NFASC: variants seen among roughly 807,000 people sequenced by gnomAD.
The protein encoded by NFASC is neurofascin homolog.
Under a neutral mutation model 147.5 loss-of-function variants are expected in NFASC, and 43 were observed. The ratio of observed to expected loss-of-function variants is 0.29; its 90% CI spans 0.23 to 0.38. The LOEUF (loss-of-function observed/expected upper bound fraction) is 0.38, where lower values mean the gene tolerates loss of function less well. Ranked by LOEUF, NFASC falls within the 10% of genes least tolerant of loss-of-function variation. NFASC has a pLI of 1.00. For missense variants in NFASC, 1,320 were observed against 1,689.0 expected (o/e 0.78, Z 3.83); for synonymous variants, 622 against 665.5 (o/e 0.93, Z 1.01).
Position 204,944,332 on chromosome 1 carries a change from C to A in NFASC, c.17C>A (p.Pro6Gln). The part of the protein sequence containing the change: MARQP[P>Q]PPWVHAAFLL... ...GTGCCGAGGATGGCCAGGCAGCCAC[C>A]GCCGCCCTGGGTCCATGCAGCCTTC... Residue 6 changes from proline (P) to glutamine (Q), a missense_variant, in exon 3 of 30, where the codon CCG becomes CAG. Pro to Gln is a moderately conservative substitution (Grantham distance 76). Transcript: ENST00000339876. 1 of 1,613,662 alleles carries A rather than the reference C, an allele frequency of 6.2e-7. No individual in the cohort carries two copies. Among genetic ancestry groups the A allele is most frequent in the Non-Finnish European group, 8.5e-7 (1 of 1,179,882 alleles).
intron 1 of NFASC, among the ~76,000 whole-genome samples, chr1:204,882,962 C>G (rs1322674): frequency 6.6e-6 from 1 of 151,886 alleles, no homozygotes; most frequent in Non-Finnish European, 1.5e-5. Flanking sequence ...CTTTGGAATA[C>G]GCCTACATAT....
At chr1:204,859,233 G>A (rs558806333) in intron 1 of NFASC, among the ~76,000 whole-genome samples, 1 of 152,086 alleles carries the variant, frequency 6.6e-6, no homozygotes, top group Non-Finnish European at 1.5e-5. Context: ...CCACCTCGGC[G>A]AATGCACTGA....
At chr1:204,912,223 C>T (rs1172477242) in intron 1 of NFASC, among the ~76,000 whole-genome samples, 2 of 151,480 alleles carry the variant, frequency 1.3e-5, no homozygotes, top group African/African-American at 2.4e-5. Context: ...CGAGGTGGGA[C>T]CTTAGATGAC....
chr1:204,902,843 A>C (rs1285573993), intron 1 of NFASC, among the ~76,000 whole-genome samples: 1 of 152,224 alleles, frequency 6.6e-6, no homozygotes, highest in East Asian at 1.9e-4. Flanking sequence ...TGACTGTCAA[A>C]TGCCACGAAG....
In NFASC at chr1:205,017,437, T is replaced by C. The variant is rs2096370675; in HGVS notation, c.*898T>C. 6.5e-6 allele frequency: 1 copy of C among 152,918 alleles called. No homozygotes were observed. The highest frequency in any genetic ancestry group is 2.4e-5 in the African/African-American group (1 of 41,416). The allele number at this position is 152,918 out of a possible 1,614,324, so 9.5% of individuals were successfully genotyped here. On this transcript the variant is annotated 3_prime_UTR_variant, in exon 30 of 30. Transcript: ENST00000339876. ...CAGCAGAAGAAAATCAGGTGTCTGG[T>C]CTTGGGGGCACTGTGCTCACTTCTA...
intron 1 of NFASC, among the ~76,000 whole-genome samples, chr1:204,904,477 G>T (rs2085351558): frequency 6.6e-6 from 1 of 152,160 alleles, no homozygotes; most frequent in Admixed American, 6.5e-5. Context: ...AAAAGGGATG[G>T]TTACTCTAGA....
chr1:205,005,671 C>G lies in NFASC; in HGVS notation c.3289+2923C>G, dbSNP rs142345855. ...CCTCTCAGAGTCCAGGTCATGGAGT[C>G]CCATTATAAGTGTGATCATTATGTC... is the stretch of plus-strand genomic sequence containing the variant. On this transcript the variant is annotated intron_variant, in intron 27 of 29. Coordinates refer to ENST00000339876, the MANE Select transcript of NFASC (RefSeq NM_001005388.3). 3.5e-3 allele frequency among the ~76,000 whole-genome samples: 536 copies of G among 152,268 alleles called. 2 individuals are homozygous for G. Among genetic ancestry groups the G allele is most frequent in the African/African-American group, 0.012 (515 of 41,536 alleles).
At chr1:204,993,426 G>A (rs1169121414) in intron 24 of NFASC, among the ~76,000 whole-genome samples, 1 of 152,190 alleles carries the variant, frequency 6.6e-6, no homozygotes, top group East Asian at 1.9e-4. Flanking sequence ...GCCCTGTTCC[G>A]TGGCAGGTTC....
At chr1:204,940,148 C>T (rs556550756) in intron 2 of NFASC, among the ~76,000 whole-genome samples, 1 of 152,194 alleles carries the variant, frequency 6.6e-6, no homozygotes, top group East Asian at 1.9e-4. Context: ...GAAACATAAA[C>T]CGTTTTAAAG....
chr1:205,016,605 A>T lies in NFASC; in HGVS notation c.*66A>T, dbSNP rs1345868014. 5.3e-6 allele frequency: 6 copies of T among 1,141,260 alleles called. No individual in the cohort carries two copies. The South Asian group carries it at 7.5e-5, about 14-fold the overall frequency. The allele number at this position is 1,141,260 out of a possible 1,614,324, so 70.7% of individuals were successfully genotyped here. The stretch of plus-strand genomic sequence containing the variant: ...GGAGGGGAGAAGGGGAGACAAAACC[A>T]CTGCAGACCTACCACGAAGCCACCA... On this transcript the variant is annotated 3_prime_UTR_variant, in exon 30 of 30. Transcript: ENST00000339876. This position sits in a 1 kb window ranked among gnomAD's most constrained non-coding sequence, Gnocchi z 5.1.
chr1:204,830,497 T>C (rs1365507520), intron 1 of NFASC, among the ~76,000 whole-genome samples: 1 of 152,150 alleles, frequency 6.6e-6, no homozygotes, highest in Non-Finnish European at 1.5e-5. Flanking sequence ...GCTAATACAT[T>C]TCACCTTTTG....
chr1:204,846,341 T>G (rs1346476187), intron 1 of NFASC, among the ~76,000 whole-genome samples: 1 of 152,192 alleles, frequency 6.6e-6, no homozygotes, highest in Non-Finnish European at 1.5e-5. Flanking sequence ...TCCTGTGATC[T>G]AATTGTGTCC....
chr1:204,830,112 G>A (rs1671810475), intron 1 of NFASC, among the ~76,000 whole-genome samples: 1 of 151,932 alleles, frequency 6.6e-6, no homozygotes, highest in African/African-American at 2.4e-5. Flanking sequence ...CTGCCTGCCT[G>A]TGTCCCTGGC....
chr1:204,979,632 C>T lies in NFASC; in HGVS notation c.2176+73C>T. The T allele has an allele frequency of 7.1e-7, 1 of 1,399,360 alleles. No individual in the cohort carries two copies. The highest frequency in any genetic ancestry group is 1.7e-5 in the Admixed American group (1 of 59,604). 86.7% of individuals were successfully genotyped at this position (1,399,360 alleles called of 1,614,324 possible). A position where few individuals can be genotyped will look rare whatever the true frequency, so the allele number is the denominator to read the frequency against. On this transcript the variant is annotated intron_variant, in intron 19 of 29. Transcript: ENST00000339876. The surrounding 1 kb of genome is among the most constrained non-coding windows in gnomAD (Gnocchi z 6.0). Reference sequence around the variant, plus strand: ...AAACTCACACTGAGATCCCCCCATTCCCAGCCATGTGAACTTAGGTTACTT... The same window carrying T: ...AAACTCACACTGAGATCCCCCCATTTCCAGCCATGTGAACTTAGGTTACTT...
In NFASC at chr1:204,972,749, T is replaced by G. The variant is rs1022533420; in HGVS notation, c.1136-527T>G. 3.9e-5 allele frequency among the ~76,000 whole-genome samples: 6 copies of G among 152,382 alleles called. No homozygotes were observed. The South Asian group carries it at 1.2e-3, about 32-fold the overall frequency. On this transcript the variant is annotated intron_variant, in intron 11 of 29. Transcript: ENST00000339876. ...GTGGTAGGTTCTGTCTATTGTATACTGTTTTGTCCTTTTCAAAACACACTT... is the reference window on the plus strand; with the variant it reads ...GTGGTAGGTTCTGTCTATTGTATACGGTTTTGTCCTTTTCAAAACACACTT...
intron 3 of NFASC, 76 bp from the exon 4 acceptor site, chr1:204,950,481 G>C (rs1323596697): frequency 7.2e-7 from 1 of 1,380,608 alleles, no homozygotes. Context: ...TGGGGCGTGA[G>C]GATGCCTGGG....
At chr1:205,008,672 G>C (rs949442566) in intron 27 of NFASC, 1 of 152,614 alleles carries the variant, frequency 6.6e-6, no homozygotes, top group African/African-American at 2.4e-5. Flanking sequence ...CTGTACTTCA[G>C]GCCGTCCTGC....
At chr1:204,970,507 G>A (rs1394819806) in intron 10 of NFASC, 109 bp from the exon 11 acceptor site, 7 of 1,286,636 alleles carry the variant, frequency 5.4e-6, no homozygotes, top group Middle Eastern at 2.7e-4. Context: ...TGGTGAGCAC[G>A]TGGTGCTGGG....
At chr1:205,000,305 T>C (rs1349078810) in intron 25 of NFASC, 1 of 152,178 alleles carries the variant, frequency 6.6e-6, no homozygotes, top group Admixed American at 6.5e-5. Context: ...GATTCTAGGC[T>C]TTAGACAATC....
Sources: gnomAD v4.1 joint callset for allele counts (sites outside exome capture counted in the v4.1 genomes callset) on GRCh38, gnomAD v4.1.1 for gene constraint, Gnocchi (gnomAD v3.1) non-coding constraint, MANE v1.5 for transcripts, NCBI Gene and HGNC (gene_info 2026-07-23, HGNC 2026-07-21) for gene names.